MCC: variants seen among roughly 807,000 people sequenced by gnomAD.
MCC encodes the protein MCC regulator of Wnt signaling pathway.
A neutral mutation model predicts 116.2 loss-of-function variants in MCC; 90 were observed. That is an observed-to-expected ratio of 0.77 (90% CI 0.65 to 0.92). MCC has a LOEUF of 0.92. MCC is among the 40% of genes least tolerant of loss of function. The pLI, the probability that MCC is intolerant of heterozygous loss-of-function variation, is 0.00. For missense variants in MCC, 1,516 were observed against 1,312.2 expected, an observed-to-expected ratio of 1.16 and a Z score of -2.40; for synonymous variants, 578 against 510.5, an observed-to-expected ratio of 1.13 and a Z score of -1.78.
intron 14 of MCC, among the ~76,000 whole-genome samples, chr5:113,061,082 G>C (rs1219274108): frequency 6.6e-6 from 1 of 152,196 alleles, no homozygotes. Flanking sequence ...AAGAGTGAGA[G>C]CTAGGCATCT....
chr5:113,271,865 T>TG (rs1019128741), intron 3 of MCC, among the ~76,000 whole-genome samples: 6 of 152,158 alleles, frequency 3.9e-5, no homozygotes, highest in African/African-American at 1.4e-4. Flanking sequence ...CCCTCAATCT[T>TG]GAACATCTCA....
intron 3 of MCC, among the ~76,000 whole-genome samples, chr5:113,279,595 T>C (rs1360649161): frequency 2.6e-5 from 4 of 152,226 alleles, no homozygotes; most frequent in Admixed American, 2.0e-4. Context: ...TTTTTGCATG[T>C]AGAACACAAT....
rs1347436021 is a variant in MCC, at chr5:113,049,122, T to G, written c.2626A>C (p.Ser876Arg). Residue 876 changes from serine to arginine, a missense_variant, in exon 16 of 19, where the codon AGC becomes CGC. By Grantham distance (110) the Ser-to-Arg change is moderately radical. Transcript: ENST00000408903. ...EQRMRSLSST[S>R]SGSKDKPGKE... Reference sequence around the variant, plus strand: ...CCAGGTTTGTCTTTGCTGCCGCTGCTGGTGGAGCTGAGGGATCGCATCCGC... The same window carrying G: ...CCAGGTTTGTCTTTGCTGCCGCTGCGGGTGGAGCTGAGGGATCGCATCCGC... The G allele has an allele frequency of 6.2e-7, 1 of 1,614,232 alleles. No homozygotes were observed.
At chr5:113,193,081 TC>T (rs1268337788) in intron 3 of MCC, among the ~76,000 whole-genome samples, 1 of 152,186 alleles carries the variant, frequency 6.6e-6, no homozygotes, top group Non-Finnish European at 1.5e-5. Flanking sequence ...CTGCCAGCAT[TC>T]CTTGGCTCGT....
intron 2 of MCC, among the ~76,000 whole-genome samples, chr5:113,345,566 G>A (rs565593508): frequency 2.2e-4 from 34 of 152,370 alleles, no homozygotes; most frequent in African/African-American, 8.2e-4. Flanking sequence ...TCAGCACAGG[G>A]AAAGAGAGGC....
intron 13 of MCC, 80 bp from the exon 14 acceptor site, chr5:113,064,247 T>A: frequency 2.3e-6 from 3 of 1,306,638 alleles, no homozygotes; most frequent in Non-Finnish European, 3.2e-6. Context: ...CATAATTAAC[T>A]CTGTTACTTA....
intron 3 of MCC, among the ~76,000 whole-genome samples, chr5:113,201,334 T>C (rs1278534781): frequency 1.4e-5 from 2 of 145,558 alleles, no homozygotes; most frequent in Non-Finnish European, 3.0e-5. Flanking sequence ...TGCAGTGAGC[T>C]GAGATTACGC....
At chr5:113,078,921 GC>G (rs1288037121) in intron 11 of MCC, among the ~76,000 whole-genome samples, 4 of 152,298 alleles carry the variant, frequency 2.6e-5, no homozygotes, top group African/African-American at 9.6e-5. Flanking sequence ...CATCACCTCA[GC>G]CCAAAATCTC....
chr5:113,063,865 C>T, intron 14 of MCC, 119 bp downstream of exon 14: 1 of 1,075,416 alleles, frequency 9.3e-7, no homozygotes, highest in Non-Finnish European at 1.3e-6. Flanking sequence ...ATGCCAGAAG[C>T]CATGTCTGCC....
At chr5:113,465,282 C>A (rs982164150) in intron 1 of MCC, among the ~76,000 whole-genome samples, 1 of 151,276 alleles carries the variant, frequency 6.6e-6, no homozygotes, top group Non-Finnish European at 1.5e-5. Context: ...ATTTTCAAGT[C>A]AGTAGAGATT....
At chr5:113,278,496 C>G (rs1765912384) in intron 3 of MCC, among the ~76,000 whole-genome samples, 1 of 152,194 alleles carries the variant, frequency 6.6e-6, no homozygotes, top group Non-Finnish European at 1.5e-5. Flanking sequence ...GAGATGGAAC[C>G]TAGACCGGGG....
intron 11 of MCC, among the ~76,000 whole-genome samples, chr5:113,082,600 C>T (rs183944230): frequency 1.3e-5 from 2 of 152,346 alleles, no homozygotes; most frequent in African/African-American, 4.8e-5. Context: ...AAAACGTTGA[C>T]AGCAGAGCAG....
intron 8 of MCC, among the ~76,000 whole-genome samples, chr5:113,093,100 G>A (rs925003058): frequency 1.3e-5 from 2 of 152,178 alleles, no homozygotes; most frequent in African/African-American, 4.8e-5. Flanking sequence ...CGACAGCAGA[G>A]TAACATTTAA....
At chr5:113,292,694 G>T (rs1049642248) in intron 3 of MCC, among the ~76,000 whole-genome samples, 1 of 152,146 alleles carries the variant, frequency 6.6e-6, no homozygotes, top group African/African-American at 2.4e-5. Context: ...TTCACTCAGG[G>T]TTCTAGCCCC....
At chr5:113,380,785 T>C (rs1232447262) in intron 2 of MCC, among the ~76,000 whole-genome samples, 1 of 152,112 alleles carries the variant, frequency 6.6e-6, no homozygotes, top group Non-Finnish European at 1.5e-5. Flanking sequence ...GAGGAAATAT[T>C]TAAGCCCGGT....
chr5:113,306,502 G>T (rs1260318688), intron 3 of MCC, among the ~76,000 whole-genome samples: 1 of 152,054 alleles, frequency 6.6e-6, no homozygotes, highest in Non-Finnish European at 1.5e-5. Flanking sequence ...TCATGTGTTT[G>T]TAGGCCATTT....
Position 113,027,706 on chromosome 5 carries a change from G to A in MCC, c.2880-224C>T, listed in dbSNP as rs370203589. ...TGGCTTAACCCTGATGAATCCAGCC[G>A]GATTGCTAGAGGCTGGTCACTCTCA... On this transcript the variant is annotated intron_variant, in intron 18 of 18. Transcript: ENST00000408903. Among the ~76,000 whole-genome samples the A allele has an allele frequency of 1.4e-4, 22 of 151,808 alleles. 1 individual carries two copies. In the South Asian group the frequency reaches 3.1e-3, roughly 21 times the overall value.
chr5:113,079,868 G>A (rs1225680203), intron 11 of MCC, among the ~76,000 whole-genome samples: 1 of 152,170 alleles, frequency 6.6e-6, no homozygotes. Flanking sequence ...GAGTGAACAG[G>A]CAACCTACAG....
intron 1 of MCC, among the ~76,000 whole-genome samples, chr5:113,444,839 A>C (rs540151651): frequency 1.4e-4 from 21 of 152,338 alleles, no homozygotes; most frequent in African/African-American, 5.1e-4. Context: ...AACAACAACA[A>C]CAATAGTAAT....
Sources: gnomAD v4.1 joint callset for allele counts (sites outside exome capture counted in the v4.1 genomes callset) on GRCh38, gnomAD v4.1.1 for gene constraint, MANE v1.5 for transcripts, NCBI Gene and HGNC (gene_info 2026-07-23, HGNC 2026-07-21) for gene names.